Variants in PDSS2 observed in about 807,000 individuals in gnomAD.
PDSS2 encodes the protein decaprenyl diphosphate synthase subunit 2.
In PDSS2, 31 loss-of-function variants were observed where a neutral mutation model predicts 44.5. The observed-to-expected ratio is 0.70, with a 90% confidence interval of 0.52 to 0.94. PDSS2 has a LOEUF of 0.94. Ranked by LOEUF, PDSS2 falls within the 40% of genes least tolerant of loss-of-function variation. The probability of loss-of-function intolerance (pLI) is 0.00; values close to 1 mark genes in which losing one functional copy is unlikely to be tolerated. For missense variants in PDSS2, 452 were observed against 482.2 expected (o/e 0.94, Z 0.59); for synonymous variants, 157 against 180.3 (o/e 0.87, Z 1.03).
intron 6 of PDSS2, among the ~76,000 whole-genome samples, chr6:107,195,505 T>G: frequency 2.1e-5 from 3 of 143,618 alleles, no homozygotes; most frequent in Non-Finnish European, 3.0e-5. Context: ...AAAAAAATGG[T>G]CCTGACCCTT....
chr6:107,375,069 A>G (rs1232362117), intron 1 of PDSS2, among the ~76,000 whole-genome samples: 1 of 152,146 alleles, frequency 6.6e-6, no homozygotes, highest in Non-Finnish European at 1.5e-5. Flanking sequence ...AAATAAAAAT[A>G]TAATAATCAA....
chr6:107,272,876 T>G (rs945228968), intron 3 of PDSS2, among the ~76,000 whole-genome samples: 3 of 152,166 alleles, frequency 2.0e-5, no homozygotes, highest in African/African-American at 7.2e-5. Flanking sequence ...AGAGATCGCT[T>G]GAGCCCAGGA....
intron 6 of PDSS2, among the ~76,000 whole-genome samples, chr6:107,204,060 A>T (rs1035775613): frequency 6.6e-5 from 10 of 151,890 alleles, no homozygotes; most frequent in Admixed American, 5.2e-4. Context: ...CTCCTGCCTC[A>T]GCCTCCCAAG....
chr6:107,382,260 C>CT (rs1252844938), intron 1 of PDSS2, among the ~76,000 whole-genome samples: 1 of 151,626 alleles, frequency 6.6e-6, no homozygotes, highest in Non-Finnish European at 1.5e-5. Context: ...TTTTTCTTTC[C>CT]TTTTTTTTGG....
At chr6:107,425,878 G>A (rs558414488) in intron 1 of PDSS2, among the ~76,000 whole-genome samples, 6 of 151,960 alleles carry the variant, frequency 3.9e-5, no homozygotes, top group African/African-American at 4.8e-5. Flanking sequence ...GGAGAATGGC[G>A]TGAGCCTGGG....
At chr6:107,450,998 T>A (rs777962482) in intron 1 of PDSS2, among the ~76,000 whole-genome samples, 14 of 152,174 alleles carry the variant, frequency 9.2e-5, no homozygotes, top group Non-Finnish European at 1.3e-4. Context: ...ACCCAACTAA[T>A]TTTTTATATA....
At chr6:107,345,965 G>A (rs1778233349) in intron 1 of PDSS2, among the ~76,000 whole-genome samples, 1 of 152,096 alleles carries the variant, frequency 6.6e-6, no homozygotes, top group African/African-American at 2.4e-5. Flanking sequence ...TCAAACCTTA[G>A]CTCTCATAAT....
intron 7 of PDSS2, among the ~76,000 whole-genome samples, chr6:107,181,072 T>G (rs542123270): frequency 1.3e-5 from 2 of 152,168 alleles, no homozygotes; most frequent in South Asian, 4.2e-4. Context: ...CTCGAACTCC[T>G]GACCTCAGGT....
At chr6:107,299,853 C>A (rs1247706141) in intron 2 of PDSS2, among the ~76,000 whole-genome samples, 1 of 152,172 alleles carries the variant, frequency 6.6e-6, no homozygotes, top group African/African-American at 2.4e-5. Context: ...TTGGACCTTA[C>A]TTCACCCATA....
At chr6:107,402,520 A>ATATATACATATATATG (rs1780171835) in intron 1 of PDSS2, among the ~76,000 whole-genome samples, 1 of 42,988 alleles carries the variant, frequency 2.3e-5, no homozygotes, top group East Asian at 7.3e-4. Context: ...ACACACACAT[A>ATATATACATATATATG]TATACATACA....
chr6:107,422,151 T>C (rs1780846841), intron 1 of PDSS2, among the ~76,000 whole-genome samples: 2 of 147,620 alleles, frequency 1.4e-5, no homozygotes. Flanking sequence ...AGCTCTTCTA[T>C]GTCAATAGGA....
chr6:107,240,664 C>T (rs1006264013), intron 4 of PDSS2, among the ~76,000 whole-genome samples: 3 of 151,390 alleles, frequency 2.0e-5, no homozygotes, highest in African/African-American at 4.9e-5. Flanking sequence ...TCCCAAAGTG[C>T]TGGGATTACA....
intron 4 of PDSS2, among the ~76,000 whole-genome samples, chr6:107,221,328 TGA>T (rs1311013088): frequency 1.2e-4 from 13 of 107,812 alleles, no homozygotes; most frequent in Non-Finnish European, 2.2e-4. Flanking sequence ...GGCGACAGAG[TGA>T]GACTCCGTCT....
chr6:107,459,531 A>G lies in PDSS2; in HGVS notation c.-246T>C, dbSNP rs1782180733. ...GCCACCCGGGGTAGAAACCACAGCC[A>G]CTGCCTATGTGGAGGACGCCATATT... On this transcript the variant is annotated 5_prime_UTR_variant, in exon 1 of 8. Coordinates refer to ENST00000369037, the MANE Select transcript of PDSS2 (RefSeq NM_020381.4). The surrounding 1 kb of genome is among the most constrained non-coding windows in gnomAD (Gnocchi z 4.3). 2 of 558,198 alleles carry G rather than the reference A, an allele frequency of 3.6e-6. No individual in the cohort carries two copies. The highest frequency in any genetic ancestry group is 6.4e-6 in the Non-Finnish European group (2 of 313,066). 34.6% of individuals were successfully genotyped at this position (558,198 alleles called of 1,614,324 possible). A position where few individuals can be genotyped will look rare whatever the true frequency, so the allele number is the denominator to read the frequency against.
intron 7 of PDSS2, among the ~76,000 whole-genome samples, chr6:107,185,981 T>C (rs1451126033): frequency 6.6e-6 from 1 of 152,240 alleles, no homozygotes; most frequent in Non-Finnish European, 1.5e-5. Flanking sequence ...TTCCATCTAA[T>C]ACAACTTCTG....
At chr6:107,220,462 CAAG>C (rs1161245124) in intron 4 of PDSS2, among the ~76,000 whole-genome samples, 2 of 151,830 alleles carry the variant, frequency 1.3e-5, no homozygotes, top group Non-Finnish European at 2.9e-5. Context: ...AGCCTGTCCT[CAAG>C]AAGCTCACAG....
intron 6 of PDSS2, among the ~76,000 whole-genome samples, chr6:107,199,015 A>G (rs1027844180): frequency 1.3e-5 from 2 of 152,196 alleles, no homozygotes; most frequent in Non-Finnish European, 1.5e-5. Context: ...ATAAATAAAA[A>G]TATGTCAAGT....
intron 7 of PDSS2, among the ~76,000 whole-genome samples, chr6:107,164,581 G>A (rs1771270313): frequency 6.6e-6 from 1 of 152,120 alleles, no homozygotes; most frequent in Non-Finnish European, 1.5e-5. Context: ...GGACATTTGG[G>A]TTGGTTCCAA....
intron 1 of PDSS2, among the ~76,000 whole-genome samples, chr6:107,396,033 C>A (rs1411122855): frequency 6.6e-6 from 1 of 152,140 alleles, no homozygotes; most frequent in East Asian, 1.9e-4. Flanking sequence ...CCCCAAAGAA[C>A]CCACGTATTC....
Sources: allele counts gnomAD v4.1 joint callset (sites outside exome capture counted in the v4.1 genomes callset), GRCh38; gene constraint gnomAD v4.1.1; non-coding constraint Gnocchi (gnomAD v3.1); transcripts MANE v1.5; gene names NCBI Gene and HGNC (gene_info 2026-07-23, HGNC 2026-07-21).